GRID2: variants seen among roughly 807,000 people sequenced by gnomAD.
The protein encoded by GRID2 is glutamate ionotropic receptor delta type subunit 2.
In GRID2, 33 loss-of-function variants were observed where a neutral mutation model predicts 114.8. The ratio of observed to expected loss-of-function variants is 0.29; its 90% CI spans 0.22 to 0.38. The LOEUF is 0.38. Ranked by LOEUF, GRID2 falls within the 10% of genes least tolerant of loss-of-function variation. The pLI is 1.00. For missense variants in GRID2, 1,184 were observed against 1,257.7 expected, an observed-to-expected ratio of 0.94 and a Z score of 0.89; for synonymous variants, 505 against 449.9, an observed-to-expected ratio of 1.12 and a Z score of -1.55.
At chr4:92,630,838 G>T (rs1730770021) in intron 2 of GRID2, among the ~76,000 whole-genome samples, 1 of 151,962 alleles carries the variant, frequency 6.6e-6, no homozygotes, top group Admixed American at 6.6e-5. Context: ...AAATTAGATG[G>T]TTTTAAACTA....
rs144557382 is a variant in GRID2, at chr4:92,313,081, ATGTGTGTGTG to A, written c.88+8369_88+8378del. On this transcript the variant is annotated intron_variant, in intron 1 of 15. Coordinates refer to ENST00000282020, the MANE Select transcript of GRID2 (RefSeq NM_001510.4). Reference sequence around the variant, plus strand: ...AATGAGTGGATAAAGAAACTCTGATATGTGTGTGTGTGTGTGTGTGTGTGTGTGTGTGTGT... The same window carrying A: ...AATGAGTGGATAAAGAAACTCTGATATGTGTGTGTGTGTGTGTGTGTGTGT... Among the ~76,000 whole-genome samples, 363 of 145,208 alleles carry A rather than the reference ATGTGTGTGTG, an allele frequency of 2.5e-3. 1 individual carries two copies. The highest frequency in any genetic ancestry group is 8.2e-3 in the African/African-American group (322 of 39,508).
At chr4:93,680,931 G>A (rs1182785805) in intron 14 of GRID2, among the ~76,000 whole-genome samples, 1 of 151,468 alleles carries the variant, frequency 6.6e-6, no homozygotes, top group Non-Finnish European at 1.5e-5. Flanking sequence ...TCTGGCCAGG[G>A]CAATTAGGCA....
At chr4:92,544,187 C>G (rs1446789858) in intron 1 of GRID2, among the ~76,000 whole-genome samples, 1 of 152,050 alleles carries the variant, frequency 6.6e-6, no homozygotes, top group African/African-American at 2.4e-5. Flanking sequence ...TGAGCTGAGA[C>G]CCCTGACTGT....
chr4:93,158,642 C>T (rs1481851924), intron 4 of GRID2, among the ~76,000 whole-genome samples: 1 of 151,712 alleles, frequency 6.6e-6, no homozygotes, highest in East Asian at 1.9e-4. Flanking sequence ...CACACAAATA[C>T]CTACATCTAG....
At chr4:92,787,279 G>T (rs774611159) in intron 2 of GRID2, among the ~76,000 whole-genome samples, 1 of 151,874 alleles carries the variant, frequency 6.6e-6, no homozygotes, top group South Asian at 2.1e-4. Flanking sequence ...AACATAAAAA[G>T]GTGTAATTAC....
intron 1 of GRID2, among the ~76,000 whole-genome samples, chr4:92,578,353 G>T (rs1385509644): frequency 7.3e-6 from 1 of 137,516 alleles, no homozygotes; most frequent in Non-Finnish European, 1.5e-5. Context: ...CCACCTATGA[G>T]TGAGAACATG....
At chr4:92,954,290 T>C (rs1752233205) in intron 2 of GRID2, among the ~76,000 whole-genome samples, 1 of 151,912 alleles carries the variant, frequency 6.6e-6, no homozygotes. Context: ...TATGCACACA[T>C]CAACTTTTTG....
chr4:93,568,748 G>C (rs181907745), intron 13 of GRID2, among the ~76,000 whole-genome samples: 1 of 152,104 alleles, frequency 6.6e-6, no homozygotes, highest in Non-Finnish European at 1.5e-5. Flanking sequence ...CAATTTTCAT[G>C]TGTGTAAGAA....
chr4:92,399,181 T>G (rs932523540), intron 1 of GRID2, among the ~76,000 whole-genome samples: 7 of 152,164 alleles, frequency 4.6e-5, no homozygotes. Flanking sequence ...GAGCTCAGGT[T>G]TCTGCATCCT....
intron 2 of GRID2, among the ~76,000 whole-genome samples, chr4:93,069,057 A>G (rs1268227033): frequency 6.6e-6 from 1 of 151,934 alleles, no homozygotes; most frequent in Non-Finnish European, 1.5e-5. Flanking sequence ...CAGATCTCCC[A>G]AAACTGACTC....
chr4:93,107,582 A>T (rs1205885839), intron 3 of GRID2, among the ~76,000 whole-genome samples: 2 of 152,092 alleles, frequency 1.3e-5, no homozygotes, highest in African/African-American at 4.8e-5. Flanking sequence ...TCTGTCACCC[A>T]TGTTGGAGTG....
At chr4:93,210,063 A>G (rs1743272964) in intron 5 of GRID2, among the ~76,000 whole-genome samples, 1 of 151,968 alleles carries the variant, frequency 6.6e-6, no homozygotes, top group Non-Finnish European at 1.5e-5. Context: ...GTTCACTCTG[A>G]TGATAGTTTC....
chr4:93,105,717 A>G (rs1360435478), intron 3 of GRID2, among the ~76,000 whole-genome samples: 1 of 152,156 alleles, frequency 6.6e-6, no homozygotes, highest in East Asian at 1.9e-4. Flanking sequence ...GCAGTCTTTC[A>G]TCTCTCTGAA....
chr4:92,660,139 A>G (rs1008047363), intron 2 of GRID2, among the ~76,000 whole-genome samples: 78 of 151,454 alleles, frequency 5.2e-4, no homozygotes, highest in Non-Finnish European at 1.9e-4. Flanking sequence ...CATGCATGCA[A>G]TATTCATTTT....
chr4:93,599,772 A>C (rs1206279769), intron 13 of GRID2, among the ~76,000 whole-genome samples: 1 of 152,188 alleles, frequency 6.6e-6, no homozygotes, highest in African/African-American at 2.4e-5. Context: ...CCCTGAGCAC[A>C]CTTCCAAGTC....
intron 2 of GRID2, among the ~76,000 whole-genome samples, chr4:92,816,318 CAAA>C (rs764487348): frequency 2.5e-4 from 12 of 48,258 alleles, no homozygotes; most frequent in East Asian, 7.2e-4. Flanking sequence ...TCTGTCTCAC[CAAA>C]AAAAAAAAAA....
chr4:92,743,466 GAC>G (rs1412857392), intron 2 of GRID2, among the ~76,000 whole-genome samples: 5 of 152,144 alleles, frequency 3.3e-5, no homozygotes, highest in African/African-American at 1.2e-4. Context: ...AATTTAGAAA[GAC>G]AGAGTTGACA....
rs373854282 is a variant in GRID2, at chr4:92,879,586, G to A, written c.245-205409G>A. On this transcript the variant is annotated intron_variant, in intron 2 of 15. Transcript: ENST00000282020. Reference sequence around the variant, plus strand: ...CATATACACTTGCCTGTAAGGCAAGGGAACCATTGTCATTTTTATTCATAG... The same window carrying A: ...CATATACACTTGCCTGTAAGGCAAGAGAACCATTGTCATTTTTATTCATAG... 1.1e-4 allele frequency among the ~76,000 whole-genome samples: 16 copies of A among 152,208 alleles called. 1 individual carries two copies. The highest frequency in any genetic ancestry group is 3.9e-4 in the African/African-American group (16 of 41,522).
At chr4:92,454,108 A>G (rs1005901680) in intron 1 of GRID2, among the ~76,000 whole-genome samples, 4 of 147,830 alleles carry the variant, frequency 2.7e-5, no homozygotes, top group South Asian at 2.2e-4. Flanking sequence ...TTAGAGAAAT[A>G]TAAATAATAA....
Sources: gnomAD v4.1 joint callset for allele counts (sites outside exome capture counted in the v4.1 genomes callset) on GRCh38, gnomAD v4.1.1 for gene constraint, MANE v1.5 for transcripts, NCBI Gene and HGNC (gene_info 2026-07-23, HGNC 2026-07-21) for gene names.